SLC9A5: variants seen among roughly 807,000 people sequenced by gnomAD.
SLC9A5 encodes the protein sodium/hydrogen exchanger 5.
Under a neutral mutation model 91.7 loss-of-function variants are expected in SLC9A5, and 52 were observed. That is an observed-to-expected ratio of 0.57 (90% CI 0.45 to 0.71). The LOEUF (loss-of-function observed/expected upper bound fraction) is 0.71, where lower values mean the gene tolerates loss of function less well. Among genes scored for constraint, SLC9A5 ranks in the 30% least tolerant of loss-of-function variants. The pLI is 0.00. For missense variants in SLC9A5, 871 were observed against 1,158.9 expected, an observed-to-expected ratio of 0.75 and a Z score of 3.61; for synonymous variants, 419 against 474.5, an observed-to-expected ratio of 0.88 and a Z score of 1.52.
chr16:67,254,653 C>T (rs1461736834), intron 2 of SLC9A5, among the ~76,000 whole-genome samples: 5 of 152,246 alleles, frequency 3.3e-5, no homozygotes, highest in Non-Finnish European at 5.9e-5. Flanking sequence ...CCACCTCGGC[C>T]TCCCAAAGTG....
Position 67,256,668 on chromosome 16 carries a change from A to G in SLC9A5, c.1111A>G (p.Ile371Val), listed in dbSNP as rs1448261177. ...SGLVLGTLIF[I>V]LFFRALGVVL... ...GCTGGTGCTGGGCACCCTCATCTTC[A>G]TCCTGTTCTTCCGAGCCCTCGGTAT... Residue 371 changes from isoleucine to valine, a missense_variant, in exon 6 of 16, where the codon ATC (isoleucine) becomes GTC (valine). Around this residue, in one of 3 missense-constraint regions of SLC9A5, gnomAD observed 454 missense variants for 718.3 expected, o/e 0.63. Transcript: ENST00000299798. This position sits in a 1 kb window ranked among gnomAD's most constrained non-coding sequence, Gnocchi z 4.1. The G allele has an allele frequency of 1.9e-6, 3 of 1,612,984 alleles. No individual in the cohort carries two copies. Among genetic ancestry groups the G allele is most frequent in the East Asian group, 2.2e-5 (1 of 44,860 alleles).
intron 2 of SLC9A5, among the ~76,000 whole-genome samples, chr16:67,254,150 AC>A (rs764621997): frequency 3.0e-4 from 46 of 152,172 alleles, no homozygotes; most frequent in Non-Finnish European, 4.9e-4. Flanking sequence ...CTCAATTTAG[AC>A]ATGGGGAAAC....
At chr16:67,249,556 C>T (rs536160417) in intron 1 of SLC9A5, among the ~76,000 whole-genome samples, 3 of 152,266 alleles carry the variant, frequency 2.0e-5, no homozygotes, top group South Asian at 4.1e-4. Context: ...AAACCTCTGT[C>T]GCTGGTGAGG....
At position 67,271,516 on chromosome 16, in the gene SLC9A5, T is replaced by G. The variant is rs903939491; in HGVS notation, c.*306T>G. 10 of 407,098 alleles carry G rather than the reference T, an allele frequency of 2.5e-5. No homozygotes were observed. Among genetic ancestry groups the G allele is most frequent in the Non-Finnish European group, 3.6e-5 (8 of 221,582 alleles). The allele number at this position is 407,098 out of a possible 1,614,324, so 25.2% of individuals were successfully genotyped here. A position where few individuals can be genotyped will look rare whatever the true frequency, so the allele number is the denominator to read the frequency against. ...TGGGTTGCTGGTCCCCCTTCCCTAG[T>G]GGGTTTTCCCGGGGACTCTATAGGC... On this transcript the variant is annotated 3_prime_UTR_variant, in exon 16 of 16. Transcript: ENST00000299798.
At chr16:67,253,159 C>A (rs2035193011) in intron 2 of SLC9A5, among the ~76,000 whole-genome samples, 1 of 152,198 alleles carries the variant, frequency 6.6e-6, no homozygotes, top group Non-Finnish European at 1.5e-5. Context: ...CAGCCCGTCT[C>A]CCCTGAGGCA....
chr16:67,257,441 A>G lies in SLC9A5; in HGVS notation c.1425+7A>G, dbSNP rs773706667. 1.9e-6 allele frequency: 3 copies of G among 1,613,908 alleles called. No individual in the cohort carries two copies. The highest frequency in any genetic ancestry group is 2.5e-6 in the Non-Finnish European group (3 of 1,179,772). The stretch of plus-strand genomic sequence containing the variant: ...CCAGGAGCTGCATGAACACGTGGGT[A>G]TCAGAACCCCAGCCCTCGCCTGTCC... On this transcript the variant is annotated splice_region_variant and intron_variant, in intron 8 of 15. Transcript: ENST00000299798. The surrounding 1 kb of genome is among the most constrained non-coding windows in gnomAD (Gnocchi z 5.1).
Position 67,271,065 on chromosome 16 carries a change from G to C in SLC9A5, c.2546G>C (p.Gly849Ala). 6.2e-7 allele frequency: 1 copy of C among 1,611,944 alleles called. No homozygotes were observed. Among genetic ancestry groups the C allele is most frequent in the South Asian group, 1.1e-5 (1 of 90,968 alleles). Residue 849 changes from glycine to alanine, a missense_variant, in exon 16 of 16, where the codon GGC becomes GCC. By Grantham distance (60) the Gly-to-Ala change is moderately conservative. Coordinates refer to ENST00000299798, the MANE Select transcript of SLC9A5 (RefSeq NM_004594.3). ...FAFPPSLAKA[G>A]RSRSESSADL... ...TTCCCACCGAGCCTGGCCAAGGCTG[G>C]CCGCTCTCGCAGTGAGAGCAGCGCT... is the stretch of plus-strand genomic sequence containing the variant.
In SLC9A5 at chr16:67,255,730, C is replaced by T; in HGVS notation, c.734-23C>T. 1.3e-6 allele frequency: 2 copies of T among 1,542,832 alleles called. No individual in the cohort carries two copies. Among genetic ancestry groups the T allele is most frequent in the Non-Finnish European group, 1.8e-6 (2 of 1,142,460 alleles). On this transcript the variant is annotated intron_variant, in intron 4 of 15. Transcript: ENST00000299798. This position sits in a 1 kb window ranked among gnomAD's most constrained non-coding sequence, Gnocchi z 4.9. ...GGTAGGGTCCGGGCCAGGGGTCATG[C>T]TGACAACCCACTCCTCCCCCAGCCT...
Position 67,256,320 on chromosome 16 carries a change from A to G in SLC9A5, c.912-149A>G, listed in dbSNP as rs2035315974. 1 of 640,668 alleles carries G rather than the reference A, an allele frequency of 1.6e-6. No individual in the cohort carries two copies. The highest frequency in any genetic ancestry group is 1.8e-5 in the African/African-American group (1 of 55,186). The allele number at this position is 640,668 out of a possible 1,614,324, so 39.7% of individuals were successfully genotyped here. On this transcript the variant is annotated intron_variant, in intron 5 of 15. Coordinates refer to ENST00000299798, the MANE Select transcript of SLC9A5 (RefSeq NM_004594.3). This position sits in a 1 kb window ranked among gnomAD's most constrained non-coding sequence, Gnocchi z 4.1. ...TCTGGACTCTTAGCCCAGCACTACC[A>G]TTCAAGTCTTCAGGCCTCCCTGGGC...
intron 2 of SLC9A5, among the ~76,000 whole-genome samples, chr16:67,254,220 ATAT>A (rs1267847702): frequency 6.6e-6 from 1 of 152,136 alleles, no homozygotes; most frequent in Non-Finnish European, 1.5e-5. Flanking sequence ...TTTTCTTACT[ATAT>A]TCAGTTCTCC....
chr16:67,257,968 T>C lies in SLC9A5; in HGVS notation c.1497-350T>C, dbSNP rs900494151. ...ACTCCTTCACCTCCCTCTCACTTACTCAGCTTCGATTCATCCTTCACAACT... is the reference window on the plus strand; with the variant it reads ...ACTCCTTCACCTCCCTCTCACTTACCCAGCTTCGATTCATCCTTCACAACT... On this transcript the variant is annotated intron_variant, in intron 9 of 15. Coordinates refer to ENST00000299798, the MANE Select transcript of SLC9A5 (RefSeq NM_004594.3). The surrounding 1 kb of genome is among the most constrained non-coding windows in gnomAD (Gnocchi z 5.1). Among the ~76,000 whole-genome samples, 4 of 152,216 alleles carry C rather than the reference T, an allele frequency of 2.6e-5. No homozygotes were observed. Among genetic ancestry groups the C allele is most frequent in the African/African-American group, 9.6e-5 (4 of 41,466 alleles).
At chr16:67,260,354 CAAAAAAA>C (rs397932908) in intron 12 of SLC9A5, among the ~76,000 whole-genome samples, 9 of 33,468 alleles carry the variant, frequency 2.7e-4, no homozygotes, top group African/African-American at 1.9e-4. Context: ...GACTCCATCT[CAAAAAAA>C]AAAAAAAAAA....
Position 67,255,252 on chromosome 16 carries a change from C to T in SLC9A5, c.654+68C>T, listed in dbSNP as rs760714120. On this transcript the variant is annotated intron_variant, in intron 3 of 15. Coordinates refer to ENST00000299798, the MANE Select transcript of SLC9A5 (RefSeq NM_004594.3). The surrounding 1 kb of genome is among the most constrained non-coding windows in gnomAD (Gnocchi z 4.9). ...CATGCTCTGACCAACTAGGGGTCTG[C>T]GCAGACTCAGTCCCTTCCCTTGGGT... 3.2e-5 allele frequency: 50 copies of T among 1,559,360 alleles called. No homozygotes were observed. The highest frequency in any genetic ancestry group is 6.7e-5 in the African/African-American group (5 of 74,116).
At chr16:67,268,685 TA>T (rs1567421488) in intron 15 of SLC9A5, among the ~76,000 whole-genome samples, 14 of 74,156 alleles carry the variant, frequency 1.9e-4, no homozygotes, top group Non-Finnish European at 2.4e-4. Context: ...TATATATATA[TA>T]TATATATATA....
chr16:67,251,488 A>G (rs2035120374), intron 1 of SLC9A5, among the ~76,000 whole-genome samples: 1 of 130,376 alleles, frequency 7.7e-6, no homozygotes, highest in Non-Finnish European at 1.5e-5. Flanking sequence ...ATCTCGGCTC[A>G]CTGCAACCTC....
rs533360234 is a variant in SLC9A5 at position 67,255,845 on chromosome 16, C to T, written c.826C>T (p.Arg276Cys). The T allele has an allele frequency of 1.2e-5, 20 of 1,612,782 alleles. No homozygotes were observed. Among genetic ancestry groups the T allele is most frequent in the Admixed American group, 1.0e-4 (6 of 59,890 alleles). ...GACCACACGCTTCACCAAGCGGGTC[C>T]GCATCATCGAGCCGCTGCTGGTCTT... ...ALTTRFTKRV[R>C]IIEPLLVFLL... Residue 276 changes from arginine to cysteine, a missense_variant, in exon 5 of 16, where the codon CGC becomes TGC. Arg to Cys is a radical substitution (Grantham distance 180, BLOSUM62 -3). Transcript: ENST00000299798. The surrounding 1 kb of genome is among the most constrained non-coding windows in gnomAD (Gnocchi z 4.9).
rs994596827 is a variant in SLC9A5 at position 67,252,313 on chromosome 16, T to C, written c.188-229T>C. 1.3e-5 allele frequency among the ~76,000 whole-genome samples: 2 copies of C among 152,058 alleles called. No individual in the cohort carries two copies. The highest frequency in any genetic ancestry group is 4.8e-5 in the African/African-American group (2 of 41,402). On this transcript the variant is annotated intron_variant, in intron 1 of 15. Transcript: ENST00000299798. This position sits in a 1 kb window ranked among gnomAD's most constrained non-coding sequence, Gnocchi z 4.0. ...GAATATAAAAAAAATTATCTGGGCA[T>C]GGTGGCGCGTGTCTGTAGTCCCCGT... is the stretch of plus-strand genomic sequence containing the variant.
intron 12 of SLC9A5, among the ~76,000 whole-genome samples, chr16:67,260,354 C>CAAAAAAAAAAAAAAAAGAAA (rs2035488910): frequency 3.0e-5 from 1 of 33,468 alleles, no homozygotes; most frequent in African/African-American, 1.9e-4. Flanking sequence ...GACTCCATCT[C>CAAAAAAAAAAAAAAAAGAAA]AAAAAAAAAA....
rs546109294 is a variant in SLC9A5 at position 67,271,622 on chromosome 16, A to C, written c.*412A>C. 1 of 202,586 alleles carries C rather than the reference A, an allele frequency of 4.9e-6. No homozygotes were observed. Among genetic ancestry groups the C allele is most frequent in the Admixed American group, 5.2e-5 (1 of 19,166 alleles). The allele number at this position is 202,586 out of a possible 1,614,324, so 12.5% of individuals were successfully genotyped here. A position where few individuals can be genotyped will look rare whatever the true frequency, so the allele number is the denominator to read the frequency against. ...CCTTCCCTGCCCCAACTCCCTCCCC[A>C]GCACTGGGTCAGTGGTGTCCTGGCA... On this transcript the variant is annotated 3_prime_UTR_variant, in exon 16 of 16. Coordinates refer to ENST00000299798, the MANE Select transcript of SLC9A5 (RefSeq NM_004594.3).
Sources: gnomAD v4.1 joint callset for allele counts (sites outside exome capture counted in the v4.1 genomes callset) on GRCh38, gnomAD v4.1.1 for gene constraint, gnomAD v4.1.1 regional missense constraint, Gnocchi (gnomAD v3.1) non-coding constraint, MANE v1.5 for transcripts, NCBI Gene and HGNC (gene_info 2026-07-23, HGNC 2026-07-21) for gene names.